Variants in NTRK1 observed in about 807,000 individuals in gnomAD.
NTRK1 encodes the protein high affinity nerve growth factor receptor.
Under a neutral mutation model 86.8 loss-of-function variants are expected in NTRK1, and 62 were observed. The observed-to-expected ratio is 0.71, with a 90% CI of 0.58 to 0.88. The LOEUF (loss-of-function observed/expected upper bound fraction) is 0.88, where lower values mean the gene tolerates loss of function less well. NTRK1 is among the 40% of genes least tolerant of loss of function. The pLI is 0.00. For missense variants in NTRK1, 967 were observed against 1,078.4 expected (o/e 0.90, Z 1.45); for synonymous variants, 469 against 456.6 (o/e 1.03, Z -0.35).
In NTRK1 at chr1:156,875,906, A is replaced by AGC. The variant is rs1647873833; in HGVS notation, c.1502-173_1502-172dup. 6.1e-6 allele frequency: 7 copies of AGC among 1,149,890 alleles called. No individual in the cohort carries two copies. In the Admixed American group the frequency reaches 7.7e-5, roughly 13 times the overall value. 71.2% of individuals were successfully genotyped at this position (1,149,890 alleles called of 1,614,324 possible). ...AACCATGTCCTCTCGGGGCAGGTGC[A>AGC]GCCCCACACTATGACATGGGGCTTG... On this transcript the variant is annotated intron_variant, in intron 12 of 16. Transcript: ENST00000524377.
chr1:156,862,254 ATC>A (rs376359280), intron 1 of NTRK1, among the ~76,000 whole-genome samples: 1 of 152,038 alleles, frequency 6.6e-6, no homozygotes, highest in African/African-American at 2.4e-5. Flanking sequence ...AAGGCACTCA[ATC>A]TCTCTCTCTA....
chr1:156,838,651 G>A (rs1207149728), intron 1 of NTRK1, among the ~76,000 whole-genome samples: 1 of 152,194 alleles, frequency 6.6e-6, no homozygotes, highest in Non-Finnish European at 1.5e-5. Flanking sequence ...CTAGGACTTG[G>A]ACAGCAATAG....
intron 2 of NTRK1, chr1:156,845,376 G>A (rs1298158763): frequency 6.3e-7 from 1 of 1,577,270 alleles, no homozygotes; most frequent in South Asian, 1.2e-5. Flanking sequence ...GCTCACCTTT[G>A]GGGGCTCTTG....
rs1246508622 is a variant in NTRK1 at position 156,868,512 on chromosome 1, C to G, written c.582C>G (p.Pro194=). The stretch of plus-strand genomic sequence containing the variant: ...GGCGTCCTGGGTGGCCAGGTGTGCC[C>G]ACGCTGAAGGTCCAGGTGCCCAATG... ...AHMPNASCGV[P]TLKVQVPNAS... The change falls in exon 6 of 17, where the codon CCC becomes CCG. Residue 194 remains proline (P), a synonymous_variant. Transcript: ENST00000524377. 6.4e-7 allele frequency: 1 copy of G among 1,558,208 alleles called. No individual in the cohort carries two copies. Among genetic ancestry groups the G allele is most frequent in the Non-Finnish European group, 8.7e-7 (1 of 1,150,862 alleles).
chr1:156,857,791 A>G (rs1352088798), upstream of NTRK1, among the ~76,000 whole-genome samples: 2 of 152,126 alleles, frequency 1.3e-5, no homozygotes, highest in Non-Finnish European at 2.9e-5. Context: ...TTTGGAGGGG[A>G]ATGGTGGGAC....
At chr1:156,844,600 G>A (rs747426217) in intron 2 of NTRK1, 3 of 1,614,186 alleles carry the variant, frequency 1.9e-6, no homozygotes, top group African/African-American at 1.3e-5. Context: ...TATCGAAGAC[G>A]GGACACACAC....
chr1:156,852,149 T>C (rs1263883537), intron 2 of NTRK1: 7 of 1,610,576 alleles, frequency 4.3e-6, no homozygotes, highest in Non-Finnish European at 5.9e-6. Flanking sequence ...GTGGCAGCAC[T>C]CGCCCCTCGC....
chr1:156,866,594 C>T (rs544215260), intron 3 of NTRK1, among the ~76,000 whole-genome samples: 25 of 152,290 alleles, frequency 1.6e-4, no homozygotes, highest in Middle Eastern at 3.4e-3. Flanking sequence ...GGCCTCAGCA[C>T]TTTGCCAGCT....
intron 4 of NTRK1, among the ~76,000 whole-genome samples, chr1:156,867,521 T>G (rs1655992314): frequency 6.6e-6 from 1 of 152,134 alleles, no homozygotes; most frequent in African/African-American, 2.4e-5. Flanking sequence ...TTTTGTAGAG[T>G]TGGGGTTTTG....
At chr1:156,874,799 G>A (rs2102911320) in intron 10 of NTRK1, 107 bp from the exon 11 acceptor site, 1 of 1,172,070 alleles carries the variant, frequency 8.5e-7, no homozygotes, top group Non-Finnish European at 1.3e-6. Context: ...GGCAGGTCTG[G>A]AGACCTGGCT....
chr1:156,875,940 G>C (rs751463249), intron 12 of NTRK1, 140 bp from the exon 13 acceptor site: 3 of 1,332,674 alleles, frequency 2.3e-6, no homozygotes, highest in East Asian at 2.3e-5. Context: ...TGCTGAAGGG[G>C]TGCAGGTTGA....
At chr1:156,874,696 C>A in intron 10 of NTRK1, 70 bp downstream of exon 10, 1 of 1,485,462 alleles carries the variant, frequency 6.7e-7, no homozygotes, top group Non-Finnish European at 9.3e-7. Context: ...ATCTGCATGT[C>A]ATTTCTGGTC....
At chr1:156,849,323 A>G (rs768834374) in intron 2 of NTRK1, 12 of 1,613,642 alleles carry the variant, frequency 7.4e-6, no homozygotes, top group Middle Eastern at 1.6e-4. Context: ...CACCTCCTCC[A>G]GTCGGTAGAT....
intron 1 of NTRK1, among the ~76,000 whole-genome samples, chr1:156,838,276 T>C (rs1435081333): frequency 6.6e-6 from 1 of 151,938 alleles, no homozygotes; most frequent in Non-Finnish European, 1.5e-5. Context: ...CATTCTCGGG[T>C]GGAAGACCTG....
chr1:156,844,038 T>C, intron 2 of NTRK1: 3 of 651,088 alleles, frequency 4.6e-6, no homozygotes, highest in South Asian at 3.7e-5. Flanking sequence ...ATGTTTCCTC[T>C]GTGCCACCGC....
rs1384565709 is a variant in NTRK1 at position 156,880,002 on chromosome 1, G to A, written c.2050G>A (p.Gly684Arg). 6.2e-7 allele frequency: 1 copy of A among 1,612,920 alleles called. No homozygotes were observed. Residue 684 changes from glycine to arginine, a missense_variant, in exon 16 of 17, where the codon GGA (glycine) becomes AGA (arginine). By Grantham distance (125) the Gly-to-Arg change is moderately radical. Coordinates refer to ENST00000524377, the MANE Select transcript of NTRK1 (RefSeq NM_002529.4). ...ATGCAGTGTCCGCCCGTGGCAGGTG[G>A]GAGGCCGCACCATGCTGCCCATTCG... ...DIYSTDYYRV[G>R]GRTMLPIRWM...
intron 2 of NTRK1, chr1:156,851,516 G>A: frequency 6.2e-7 from 1 of 1,600,176 alleles, no homozygotes; most frequent in Non-Finnish European, 8.6e-7. Context: ...GGGGGCCCCG[G>A]GAAGGTGGGC....
Position 156,861,057 on chromosome 1 carries a change from C to T in NTRK1, c.123C>T (p.Cys41=), listed in dbSNP as rs1417777495. 1.3e-6 allele frequency: 2 copies of T among 1,564,314 alleles called. No homozygotes were observed. Among genetic ancestry groups the T allele is most frequent in the Non-Finnish European group, 1.7e-6 (2 of 1,159,588 alleles). Reference sequence around the variant, plus strand: ...CCGCACCCTGCCCCGATGCCTGCTGCCCCCACGGCTCCTCGGGACTGCGAT... The same window carrying T: ...CCGCACCCTGCCCCGATGCCTGCTGTCCCCACGGCTCCTCGGGACTGCGAT... The part of the protein sequence containing the change: ...AGAAPCPDAC[C]PHGSSGLRCT... The change falls in exon 1 of 17, where the codon TGC becomes TGT. Residue 41 remains cysteine, a synonymous_variant. Coordinates refer to ENST00000524377, the MANE Select transcript of NTRK1 (RefSeq NM_002529.4).
intron 1 of NTRK1, among the ~76,000 whole-genome samples, chr1:156,820,209 A>C (rs940069965): frequency 6.6e-6 from 1 of 152,164 alleles, no homozygotes; most frequent in Non-Finnish European, 1.5e-5. Context: ...CAGTTTACTC[A>C]GCACCATTTA....
Sources: gnomAD v4.1 joint callset for allele counts (sites outside exome capture counted in the v4.1 genomes callset) on GRCh38, gnomAD v4.1.1 for gene constraint, MANE v1.5 for transcripts, NCBI Gene and HGNC (gene_info 2026-07-23, HGNC 2026-07-21) for gene names.